SPMIP6: variants seen among roughly 807,000 people sequenced by gnomAD.
The protein encoded by SPMIP6 is ciliated bronchial epithelial protein 1.
At chr9:34,381,584 T>C in the SPMIP6 span, 2 of 1,471,196 alleles carry the variant, frequency 1.4e-6, no homozygotes, top group Non-Finnish European at 1.8e-6. The surrounding 1 kb of genome is among the most constrained non-coding windows in gnomAD (Gnocchi z 4.4). Context: ...TCCAGGGCTC[T>C]GTGTTGGCGG....
chr9:34,383,249 C>A, the SPMIP6 span, among the ~76,000 whole-genome samples: 3 of 152,214 alleles, frequency 2.0e-5, no homozygotes, highest in Non-Finnish European at 4.4e-5. Context: ...TCTGGCCAGG[C>A]AAGGTGGCTC....
At chr9:34,385,692 C>A in the SPMIP6 span, 2 of 1,613,834 alleles carry the variant, frequency 1.2e-6, no homozygotes, top group South Asian at 2.2e-5. Context: ...CTGATATGGA[C>A]CCCCTATAAG....
At chr9:34,384,123 G>T in the SPMIP6 span, among the ~76,000 whole-genome samples, 1 of 152,208 alleles carries the variant, frequency 6.6e-6, no homozygotes, top group East Asian at 1.9e-4. Flanking sequence ...GTGCAGTGCT[G>T]GGATTTGGAG....
chr9:34,397,480 C>T, the SPMIP6 span: 5 of 1,614,012 alleles, frequency 3.1e-6, no homozygotes, highest in Non-Finnish European at 4.2e-6. Context: ...CTGCCCCTCC[C>T]CACCAATCTC....
the SPMIP6 span, among the ~76,000 whole-genome samples, chr9:34,397,066 C>A: frequency 1.3e-5 from 2 of 152,176 alleles, no homozygotes; most frequent in African/African-American, 4.8e-5. Flanking sequence ...GCCTCAGGGC[C>A]TTTGCACTTT....
At chr9:34,379,574 A>C in the SPMIP6 span, 1 of 1,352,044 alleles carries the variant, frequency 7.4e-7, no homozygotes, top group African/African-American at 1.4e-5. The surrounding 1 kb of genome is among the most constrained non-coding windows in gnomAD (Gnocchi z 4.2). Context: ...TCTACCAGAC[A>C]TCCTCCCCCA....
At chr9:34,393,627 G>C in the SPMIP6 span, among the ~76,000 whole-genome samples, 3 of 151,952 alleles carry the variant, frequency 2.0e-5, no homozygotes, top group Non-Finnish European at 4.4e-5. Context: ...TATTTTGTTA[G>C]TTCTGGAAAA....
At chr9:34,380,073 C>G in the SPMIP6 span, among the ~76,000 whole-genome samples, 1 of 152,162 alleles carries the variant, frequency 6.6e-6, no homozygotes, top group African/African-American at 2.4e-5. Context: ...TCTGAGCTTC[C>G]TAGAGGCTCA....
At chr9:34,386,564 G>A in the SPMIP6 span, among the ~76,000 whole-genome samples, 1 of 149,260 alleles carries the variant, frequency 6.7e-6, no homozygotes, top group Non-Finnish European at 1.5e-5. Flanking sequence ...ACTCCAGTCT[G>A]GCGACAGAGC....
chr9:34,381,273 C>T, the SPMIP6 span: 1 of 1,597,058 alleles, frequency 6.3e-7, no homozygotes, highest in Non-Finnish European at 8.6e-7. The surrounding 1 kb of genome is among the most constrained non-coding windows in gnomAD (Gnocchi z 4.4). Flanking sequence ...GACCCTCGGC[C>T]TCCTCCCCGT....
chr9:34,391,445 T>A, the SPMIP6 span, among the ~76,000 whole-genome samples: 2 of 152,214 alleles, frequency 1.3e-5, no homozygotes, highest in Non-Finnish European at 2.9e-5. Flanking sequence ...TCACATTTAT[T>A]CTTTTCCCCA....
At chr9:34,379,116 T>C in the SPMIP6 span, 1 of 1,613,642 alleles carries the variant, frequency 6.2e-7, no homozygotes, top group Non-Finnish European at 8.5e-7. The surrounding 1 kb of genome is among the most constrained non-coding windows in gnomAD (Gnocchi z 4.2). Context: ...AGACACAAAC[T>C]CAGGATGGAT....
the SPMIP6 span, chr9:34,382,578 C>G: frequency 1.8e-6 from 1 of 566,874 alleles, no homozygotes; most frequent in Non-Finnish European, 3.1e-6. Flanking sequence ...GAGTGAGACT[C>G]TATCTAAAAA....
chr9:34,381,243 C>G, the SPMIP6 span: 3 of 1,573,126 alleles, frequency 1.9e-6, no homozygotes, highest in South Asian at 3.5e-5. This position sits in a 1 kb window ranked among gnomAD's most constrained non-coding sequence, Gnocchi z 4.4. Flanking sequence ...CGGATAGATT[C>G]AGGGTTCCAC....
the SPMIP6 span, chr9:34,382,706 G>T: frequency 1.7e-6 from 2 of 1,208,436 alleles, no homozygotes; most frequent in Non-Finnish European, 1.2e-6. Context: ...AGGTGGTGGG[G>T]TATGCGTGTC....
the SPMIP6 span, among the ~76,000 whole-genome samples, chr9:34,388,390 G>A: frequency 6.6e-6 from 1 of 151,126 alleles, no homozygotes; most frequent in Non-Finnish European, 1.5e-5. Context: ...GACATCAGGT[G>A]GTCCACCCAC....
the SPMIP6 span, among the ~76,000 whole-genome samples, chr9:34,390,268 AT>A: frequency 6.6e-6 from 1 of 152,072 alleles, no homozygotes; most frequent in East Asian, 1.9e-4. Context: ...TTGGCTGTAT[AT>A]TTTTTGTATA....
the SPMIP6 span, chr9:34,381,486 G>A: frequency 6.2e-7 from 1 of 1,613,582 alleles, no homozygotes; most frequent in Non-Finnish European, 8.5e-7. The surrounding 1 kb of genome is among the most constrained non-coding windows in gnomAD (Gnocchi z 4.4). Flanking sequence ...TGACCTGGCA[G>A]AGCTGCTCCC....
At chr9:34,385,148 T>C in the SPMIP6 span, among the ~76,000 whole-genome samples, 4 of 151,724 alleles carry the variant, frequency 2.6e-5, no homozygotes, top group African/African-American at 9.7e-5. Context: ...CTAGGTCATC[T>C]CCTCCAGGGC....
Sources: allele counts gnomAD v4.1 joint callset (sites outside exome capture counted in the v4.1 genomes callset), GRCh38; gene constraint gnomAD v4.1.1; non-coding constraint Gnocchi (gnomAD v3.1); transcripts MANE v1.5; gene names NCBI Gene and HGNC (gene_info 2026-07-23, HGNC 2026-07-21).